AACS: variants seen among roughly 807,000 people sequenced by gnomAD.
AACS encodes the protein acetoacetate-CoA ligase.
A neutral mutation model predicts 83.1 loss-of-function variants in AACS; 69 were observed. The observed-to-expected ratio is 0.83, with a 90% CI of 0.68 to 1.01. The LOEUF is 1.01. AACS is among the 50% of genes least tolerant of loss of function. AACS has a pLI of 0.00. For missense variants in AACS, 866 were observed against 882.2 expected (o/e 0.98, Z 0.23); for synonymous variants, 333 against 343.4 (o/e 0.97, Z 0.33).
At chr12:125,141,943 G>C (rs980093680) in intron 17 of AACS, 149 bp from the exon 18 acceptor site, 1 of 934,058 alleles carries the variant, frequency 1.1e-6, no homozygotes, top group Non-Finnish European at 1.6e-6. Flanking sequence ...TTGCAGACCT[G>C]GTGGGAAGAG....
At chr12:125,118,589 TGG>T in intron 9 of AACS, 50 bp from the exon 10 acceptor site, 1 of 1,606,434 alleles carries the variant, frequency 6.2e-7, no homozygotes. Context: ...GGGGCAGCGC[TGG>T]GGGGAGCTGC....
At chr12:125,117,649 C>G (rs1485995510) in intron 9 of AACS, 1 of 152,188 alleles carries the variant, frequency 6.6e-6, no homozygotes, top group South Asian at 2.1e-4. Flanking sequence ...GGAACAGTTC[C>G]TCAATAAAAG....
At chr12:125,133,971 G>C in intron 14 of AACS, 32 bp from the exon 15 acceptor site, 2 of 1,613,334 alleles carry the variant, frequency 1.2e-6, no homozygotes, top group Non-Finnish European at 1.7e-6. Flanking sequence ...CCTTCTCCTC[G>C]GGATGACCGG....
chr12:125,102,497 C>T, intron 5 of AACS, 182 bp from the exon 6 acceptor site: 1 of 593,474 alleles, frequency 1.7e-6, no homozygotes, highest in African/African-American at 1.8e-5. Context: ...GACAGGGTCT[C>T]ACTCGTGCCC....
intron 3 of AACS, among the ~76,000 whole-genome samples, chr12:125,084,907 C>G (rs1464616183): frequency 6.6e-6 from 1 of 152,074 alleles, no homozygotes; most frequent in African/African-American, 2.4e-5. Flanking sequence ...TTTGTAGAGT[C>G]TCACTATCTT....
At chr12:125,115,498 G>C (rs1268570519) in intron 9 of AACS, among the ~76,000 whole-genome samples, 1 of 152,130 alleles carries the variant, frequency 6.6e-6, no homozygotes, top group Admixed American at 6.5e-5. Context: ...CTGACCTTGT[G>C]GTCCGCCCGC....
At chr12:125,137,057 AAT>A (rs1358244774) in intron 17 of AACS, among the ~76,000 whole-genome samples, 193 bp downstream of exon 17, 2 of 152,216 alleles carry the variant, frequency 1.3e-5, no homozygotes, top group African/African-American at 4.8e-5. Flanking sequence ...ACTTCTGCTA[AAT>A]ACCCATGTTC....
chr12:125,086,561 G>A (rs1956343871), intron 4 of AACS, 118 bp downstream of exon 4: 1 of 890,354 alleles, frequency 1.1e-6, no homozygotes, highest in Admixed American at 2.4e-5. Context: ...ATGGAACCTT[G>A]TGGGACTTGG....
In AACS at chr12:125,142,149, G is replaced by A; in HGVS notation, c.1939G>A (p.Ala647Thr). ...CGTCAAACAGATCATCGCTGGAAAA[G>A]CCGTGGAGCAAGGAGGTGCTTTCTC... The part of the protein sequence containing the change: ...VAVKQIIAGK[A>T]VEQGGAFSNP... Residue 647 changes from alanine to threonine, a missense_variant, in exon 18 of 18, where the codon GCC becomes ACC. Physicochemically the swap from Ala to Thr is moderately conservative, Grantham distance 58. Coordinates refer to ENST00000316519, the MANE Select transcript of AACS (RefSeq NM_023928.5). 1 of 1,614,184 alleles carries A rather than the reference G, an allele frequency of 6.2e-7. No individual in the cohort carries two copies. The highest frequency in any genetic ancestry group is 1.1e-5 in the South Asian group (1 of 91,080).
intron 5 of AACS, among the ~76,000 whole-genome samples, chr12:125,092,000 G>A (rs549288002): frequency 6.6e-6 from 1 of 152,340 alleles, no homozygotes; most frequent in Admixed American, 6.5e-5. Context: ...CGGGAGGGTG[G>A]CCTCTCTGTC....
intron 3 of AACS, among the ~76,000 whole-genome samples, chr12:125,077,337 C>T (rs544464526): frequency 2.9e-4 from 44 of 151,912 alleles, no homozygotes; most frequent in Admixed American, 4.6e-4. Flanking sequence ...GGTGAAACCC[C>T]GTCTCTACTG....
chr12:125,118,499 T>C, intron 9 of AACS, 142 bp from the exon 10 acceptor site: 1 of 1,095,240 alleles, frequency 9.1e-7, no homozygotes, highest in Non-Finnish European at 1.3e-6. Flanking sequence ...CGGGCCAGAG[T>C]GTCCTGCATT....
Position 125,128,213 on chromosome 12 carries a change from G to T in AACS, c.1362G>T (p.Val454=). Residue 454 remains valine, a synonymous_variant, in exon 13 of 18, where the codon GTG becomes GTT. Coordinates refer to ENST00000316519, the MANE Select transcript of AACS (RefSeq NM_023928.5). ...CFMGHNFSLP[V]YKGEIQARNL... Reference sequence around the variant, plus strand: ...TGGGCCACAATTTTTCTCTTCCTGTGTATAAAGGGGAGATTCAGGCCCGGA... The same window carrying T: ...TGGGCCACAATTTTTCTCTTCCTGTTTATAAAGGGGAGATTCAGGCCCGGA... The T allele has an allele frequency of 1.2e-6, 2 of 1,613,170 alleles. No homozygotes were observed. The highest frequency in any genetic ancestry group is 1.7e-6 in the Non-Finnish European group (2 of 1,179,324).
intron 14 of AACS, among the ~76,000 whole-genome samples, chr12:125,131,581 G>T (rs1211819106): frequency 6.6e-6 from 1 of 152,064 alleles, no homozygotes; most frequent in Admixed American, 6.6e-5. Context: ...GTATGAATAT[G>T]GGGTTATATG....
chr12:125,129,596 C>T lies in AACS; in HGVS notation c.1549+136C>T, dbSNP rs1381510140. The T allele has an allele frequency of 4.1e-5, 47 of 1,139,318 alleles. No individual in the cohort carries two copies. Among genetic ancestry groups the T allele is most frequent in the Admixed American group, 5.1e-5 (2 of 39,512 alleles). 70.6% of individuals were successfully genotyped at this position (1,139,318 alleles called of 1,614,324 possible). Reference sequence around the variant, plus strand: ...TGGAGAAGCTGCTTATAGTTCATTCCGCCAGTGGGGGGATAATGAATTTTT... The same window carrying T: ...TGGAGAAGCTGCTTATAGTTCATTCTGCCAGTGGGGGGATAATGAATTTTT... On this transcript the variant is annotated intron_variant, in intron 14 of 17. Transcript: ENST00000316519. This position sits in a 1 kb window ranked among gnomAD's most constrained non-coding sequence, Gnocchi z 4.3.
rs1429849133 is a variant in AACS at position 125,140,729 on chromosome 12, CAT to C, written c.1882-1362_1882-1361del. The C allele has an allele frequency of 6.6e-6, 1 of 152,112 alleles. No individual in the cohort carries two copies. The highest frequency in any genetic ancestry group is 1.5e-5 in the Non-Finnish European group (1 of 68,038). The allele number at this position is 152,112 out of a possible 1,614,324, so 9.4% of individuals were successfully genotyped here. A position where few individuals can be genotyped will look rare whatever the true frequency, so the allele number is the denominator to read the frequency against. ...GCTCTTCTGGATTCAAGGTGAAACA[CAT>C]GTGCCATAAATCTTGGAGCTCTGAA... On this transcript the variant is annotated intron_variant, in intron 17 of 17. Transcript: ENST00000316519. The surrounding 1 kb of genome is among the most constrained non-coding windows in gnomAD (Gnocchi z 5.1).
intron 3 of AACS, among the ~76,000 whole-genome samples, chr12:125,083,925 A>G (rs1788454664): frequency 6.6e-6 from 1 of 152,036 alleles, no homozygotes; most frequent in African/African-American, 2.4e-5. Context: ...AAGTGCTGGG[A>G]TTACAGGCGT....
intron 5 of AACS, among the ~76,000 whole-genome samples, chr12:125,093,574 C>T (rs993131347): frequency 3.3e-5 from 5 of 152,268 alleles, no homozygotes; most frequent in African/African-American, 7.2e-5. Flanking sequence ...CTGGAATCAC[C>T]GCCTCCCCGA....
At chr12:125,084,395 C>T (rs73231646) in intron 3 of AACS, among the ~76,000 whole-genome samples, 1,913 of 151,058 alleles carry the variant, frequency 0.013, 27 homozygotes, top group South Asian at 0.028. Context: ...TCCTTTCCTT[C>T]TTTCCTTTCC....
Sources: gnomAD v4.1 joint callset for allele counts (sites outside exome capture counted in the v4.1 genomes callset) on GRCh38, gnomAD v4.1.1 for gene constraint, Gnocchi (gnomAD v3.1) non-coding constraint, MANE v1.5 for transcripts, NCBI Gene and HGNC (gene_info 2026-07-23, HGNC 2026-07-21) for gene names.